REDIC1: variants seen among roughly 807,000 people sequenced by gnomAD.
REDIC1 encodes the protein HEI10 Interacting Protein 1.
At chr12:39,809,558 A>T in the REDIC1 span, among the ~76,000 whole-genome samples, 1 of 152,184 alleles carries the variant, frequency 6.6e-6, no homozygotes, top group African/African-American at 2.4e-5. Context: ...CACAACGTGC[A>T]GGTTTGTTAC....
At chr12:39,875,486 A>G in the REDIC1 span, among the ~76,000 whole-genome samples, 2 of 152,208 alleles carry the variant, frequency 1.3e-5, no homozygotes, top group African/African-American at 4.8e-5. Context: ...TTTGCCATGT[A>G]ATGCAACATA....
chr12:39,762,872 G>C, the REDIC1 span, among the ~76,000 whole-genome samples: 1 of 151,878 alleles, frequency 6.6e-6, no homozygotes, highest in African/African-American at 2.4e-5. Flanking sequence ...GTTTATTTTT[G>C]AAAGAATTCT....
chr12:39,629,025 A>G, the REDIC1 span, among the ~76,000 whole-genome samples: 4 of 152,178 alleles, frequency 2.6e-5, no homozygotes, highest in Non-Finnish European at 4.4e-5. Context: ...AAGTAAATAA[A>G]AGTACCACAA....
the REDIC1 span, chr12:39,864,882 C>A: frequency 6.3e-6 from 10 of 1,592,628 alleles, no homozygotes; most frequent in Admixed American, 3.6e-5. Flanking sequence ...TACGGTGGTA[C>A]CTTAAAAAAA....
At chr12:39,850,389 G>A in the REDIC1 span, among the ~76,000 whole-genome samples, 1 of 152,094 alleles carries the variant, frequency 6.6e-6, no homozygotes, top group Non-Finnish European at 1.5e-5. Flanking sequence ...CAGTTGAACT[G>A]AGCCATGGCA....
chr12:39,895,163 C>A, the REDIC1 span, among the ~76,000 whole-genome samples: 1 of 151,926 alleles, frequency 6.6e-6, no homozygotes, highest in Non-Finnish European at 1.5e-5. Flanking sequence ...ATCACTGTGC[C>A]CAGCCAGAAC....
chr12:39,684,319 G>A, the REDIC1 span: 55 of 907,952 alleles, frequency 6.1e-5, no homozygotes, highest in Non-Finnish European at 7.1e-5. Context: ...CTTGGTAATA[G>A]TCCTAACTTT....
At chr12:39,686,233 C>A in the REDIC1 span, among the ~76,000 whole-genome samples, 2 of 152,224 alleles carry the variant, frequency 1.3e-5, no homozygotes, top group African/African-American at 4.8e-5. Context: ...CATTGCCTCT[C>A]CACTCTGCCC....
the REDIC1 span, among the ~76,000 whole-genome samples, chr12:39,661,366 C>T: frequency 6.6e-6 from 1 of 151,770 alleles, no homozygotes; most frequent in East Asian, 1.9e-4. Flanking sequence ...TAAGATGATA[C>T]CTTATCGTGA....
chr12:39,823,128 A>T, the REDIC1 span, among the ~76,000 whole-genome samples: 2 of 152,240 alleles, frequency 1.3e-5, no homozygotes, highest in Non-Finnish European at 2.9e-5. Context: ...ACAGATACTA[A>T]AGAGAATAAT....
At chr12:39,634,370 C>T in the REDIC1 span, among the ~76,000 whole-genome samples, 44 of 152,158 alleles carry the variant, frequency 2.9e-4, no homozygotes, top group Admixed American at 2.4e-3. Context: ...CATCACGCTG[C>T]CTGACCTCAA....
the REDIC1 span, among the ~76,000 whole-genome samples, chr12:39,670,880 C>T: frequency 1.1e-4 from 16 of 151,752 alleles, no homozygotes; most frequent in African/African-American, 3.9e-4. Context: ...TTTTCATTTC[C>T]AGGACTTCTT....
the REDIC1 span, among the ~76,000 whole-genome samples, chr12:39,636,869 A>G: frequency 2.0e-5 from 3 of 152,056 alleles, no homozygotes; most frequent in Admixed American, 6.6e-5. Context: ...TAAAATGTAC[A>G]TGTTAGTGTT....
chr12:39,835,506 T>C, the REDIC1 span, among the ~76,000 whole-genome samples: 1 of 152,066 alleles, frequency 6.6e-6, no homozygotes, highest in Admixed American at 6.6e-5. Context: ...ATAAAAGGAA[T>C]TGCGGAATGA....
the REDIC1 span, among the ~76,000 whole-genome samples, chr12:39,712,653 A>G: frequency 0.02 from 2,837 of 145,004 alleles, 38 homozygotes; most frequent in Non-Finnish European, 0.028. Context: ...ATATTTATGT[A>G]TATATGTATG....
chr12:39,679,303 G>A, the REDIC1 span, among the ~76,000 whole-genome samples: 1 of 152,154 alleles, frequency 6.6e-6, no homozygotes, highest in Non-Finnish European at 1.5e-5. Flanking sequence ...AATGGACTCA[G>A]TAAAGTTTCA....
the REDIC1 span, among the ~76,000 whole-genome samples, chr12:39,741,708 T>G: frequency 6.6e-6 from 1 of 152,212 alleles, no homozygotes; most frequent in Non-Finnish European, 1.5e-5. Flanking sequence ...TGCATTGGTT[T>G]GGCCTTAAAA....
chr12:39,635,182 T>A, the REDIC1 span, among the ~76,000 whole-genome samples: 3 of 152,206 alleles, frequency 2.0e-5, no homozygotes, highest in Non-Finnish European at 4.4e-5. Context: ...GGAACACTTT[T>A]ACACTGTTGG....
At chr12:39,786,789 A>G in the REDIC1 span, among the ~76,000 whole-genome samples, 7 of 152,088 alleles carry the variant, frequency 4.6e-5, no homozygotes, top group Admixed American at 4.6e-4. Flanking sequence ...CTATATTTAA[A>G]TCCCCTCTCT....
Sources: gnomAD v4.1 joint callset for allele counts (sites outside exome capture counted in the v4.1 genomes callset) on GRCh38, gnomAD v4.1.1 for gene constraint, MANE v1.5 for transcripts, NCBI Gene and HGNC (gene_info 2026-07-23, HGNC 2026-07-21) for gene names.